The following SHTN1 variants were observed in gnomAD, a reference collection of about 807,000 sequenced individuals.
The protein encoded by SHTN1 is shootin 1.
In SHTN1, 42 loss-of-function variants were observed where a neutral mutation model predicts 83.1. That is an observed-to-expected ratio of 0.51 (90% CI 0.39 to 0.65). The LOEUF (loss-of-function observed/expected upper bound fraction) is 0.65, where lower values mean the gene tolerates loss of function less well. Among genes scored for constraint, SHTN1 ranks in the 30% least tolerant of loss-of-function variants. The pLI is 0.00. For synonymous variants in SHTN1, 224 were observed against 247.7 expected, an observed-to-expected ratio of 0.90 and a Z score of 0.90; for missense variants, 622 against 737.8, an observed-to-expected ratio of 0.84 and a Z score of 1.82.
chr10:116,953,618 GTTTTGTT>G (rs1257962778), intron 5 of SHTN1, among the ~76,000 whole-genome samples: 4 of 82,002 alleles, frequency 4.9e-5, no homozygotes, highest in African/African-American at 1.4e-4. Flanking sequence ...TCAGTTTTGT[GTTTTGTT>G]TTTTTTTTTT....
intron 2 of SHTN1, among the ~76,000 whole-genome samples, chr10:117,036,600 G>A (rs1452050269): frequency 6.6e-6 from 1 of 152,150 alleles, no homozygotes; most frequent in Non-Finnish European, 1.5e-5. Flanking sequence ...TGAACTCATG[G>A]AGATAATAGA....
chr10:117,108,286 A>G (rs1175741816), intron 1 of SHTN1, among the ~76,000 whole-genome samples: 2 of 152,136 alleles, frequency 1.3e-5, no homozygotes, highest in Non-Finnish European at 2.9e-5. Flanking sequence ...TACTCGCAAT[A>G]GCAAAGACTT....
chr10:117,005,312 T>G (rs1170270037), upstream of SHTN1: 28 of 1,368,500 alleles, frequency 2.0e-5, no homozygotes, highest in East Asian at 3.0e-5. Flanking sequence ...GGCCCAGCAG[T>G]CCCGTTCAGG....
chr10:116,890,490 T>G (rs1182987229), intron 16 of SHTN1, among the ~76,000 whole-genome samples: 1 of 152,156 alleles, frequency 6.6e-6, no homozygotes, highest in Non-Finnish European at 1.5e-5. Flanking sequence ...GTCCAATAAT[T>G]TTTTCTTACC....
upstream of SHTN1, among the ~76,000 whole-genome samples, chr10:117,009,097 A>G (rs1852063730): frequency 6.6e-6 from 1 of 152,200 alleles, no homozygotes; most frequent in South Asian, 2.1e-4. Flanking sequence ...CCTGGGCAAC[A>G]AGAGCAAAAT....
chr10:117,063,238 G>T (rs1027669786), intron 1 of SHTN1, among the ~76,000 whole-genome samples: 2 of 152,122 alleles, frequency 1.3e-5, no homozygotes, highest in African/African-American at 4.8e-5. Flanking sequence ...TTACTAACAG[G>T]AAGCATTGGC....
chr10:117,105,236 G>A (rs904829735), intron 1 of SHTN1, among the ~76,000 whole-genome samples: 3 of 152,184 alleles, frequency 2.0e-5, no homozygotes, highest in African/African-American at 7.2e-5. Flanking sequence ...TTTTACTTCA[G>A]AAGCCTCAAC....
In SHTN1 at chr10:116,921,328, A is replaced by T. The variant is rs1564877358; in HGVS notation, c.1195+106T>A. 4 of 745,634 alleles carry T rather than the reference A, an allele frequency of 5.4e-6. No individual in the cohort carries two copies. In the East Asian group the frequency reaches 1.1e-4, roughly 20 times the overall value. The allele number at this position is 745,634 out of a possible 1,614,324, so 46.2% of individuals were successfully genotyped here. A position where few individuals can be genotyped will look rare whatever the true frequency, so the allele number is the denominator to read the frequency against. On this transcript the variant is annotated intron_variant, in intron 12 of 16. Coordinates refer to ENST00000355371, the MANE Select transcript of SHTN1 (RefSeq NM_001127211.3). Reference sequence around the variant, plus strand: ...TTCTTACAGCTGTTCAGTGCTTCATACTACTCTCCCAACAACATGTTTATA... The same window carrying T: ...TTCTTACAGCTGTTCAGTGCTTCATTCTACTCTCCCAACAACATGTTTATA...
chr10:117,073,218 C>T (rs1165299915), intron 1 of SHTN1, among the ~76,000 whole-genome samples: 2 of 152,074 alleles, frequency 1.3e-5, no homozygotes, highest in African/African-American at 4.8e-5. Context: ...TTATGTTAAA[C>T]GACCAAACCT....
chr10:117,014,657 T>C (rs1852155134), intron 2 of SHTN1, among the ~76,000 whole-genome samples: 1 of 152,204 alleles, frequency 6.6e-6, no homozygotes, highest in South Asian at 2.1e-4. Flanking sequence ...TCAGTTCTGC[T>C]ACAACACAAC....
intron 1 of SHTN1, among the ~76,000 whole-genome samples, chr10:117,085,918 A>T (rs1223378839): frequency 1.4e-4 from 17 of 121,066 alleles, no homozygotes; most frequent in South Asian, 5.1e-4. Context: ...GCTTTGTCTG[A>T]TTTTTTTTTT....
chr10:116,926,801 C>T (rs1191353679), intron 11 of SHTN1, among the ~76,000 whole-genome samples: 3 of 151,680 alleles, frequency 2.0e-5, no homozygotes, highest in Non-Finnish European at 2.9e-5. Context: ...ATGACATGAG[C>T]ATGTAAGCTG....
chr10:116,888,492 T>G (rs181491542), intron 16 of SHTN1, among the ~76,000 whole-genome samples: 2 of 152,166 alleles, frequency 1.3e-5, no homozygotes, highest in Non-Finnish European at 2.9e-5. Flanking sequence ...GTTCTGACAG[T>G]TGGGAGGGAA....
chr10:117,083,033 A>G (rs1347820811), intron 1 of SHTN1, among the ~76,000 whole-genome samples: 3 of 150,734 alleles, frequency 2.0e-5, no homozygotes, highest in Admixed American at 2.0e-4. Flanking sequence ...TAGTCCATTT[A>G]CATTTAAAGT....
At chr10:117,060,612 A>C (rs1353622582) in intron 1 of SHTN1, among the ~76,000 whole-genome samples, 1 of 152,220 alleles carries the variant, frequency 6.6e-6, no homozygotes, top group Non-Finnish European at 1.5e-5. Context: ...CCTATATAGA[A>C]GCTGTCTATA....
intron 12 of SHTN1, among the ~76,000 whole-genome samples, chr10:116,918,244 G>C (rs1848440214): frequency 6.6e-6 from 1 of 151,882 alleles, no homozygotes; most frequent in African/African-American, 2.4e-5. Context: ...AGTGCTTCAA[G>C]GTCAGTCTTG....
rs186655640 is a variant in SHTN1 at position 116,923,944 on chromosome 10, T to C, written c.1113-2428A>G. Among the ~76,000 whole-genome samples, 334 of 152,308 alleles carry C rather than the reference T, an allele frequency of 2.2e-3. 1 individual carries two copies. Among genetic ancestry groups the C allele is most frequent in the African/African-American group, 7.5e-3 (313 of 41,564 alleles). ...TAATCCCCTTCCTAATTGCCTTTTC[T>C]TAAAATTCCCAAACTCACTGGATAA... On this transcript the variant is annotated intron_variant, in intron 11 of 16. Coordinates refer to ENST00000355371, the MANE Select transcript of SHTN1 (RefSeq NM_001127211.3).
chr10:116,956,908 AGG>A (rs1850003030), intron 4 of SHTN1, among the ~76,000 whole-genome samples: 5 of 151,978 alleles, frequency 3.3e-5, no homozygotes, highest in Admixed American at 2.6e-4. Context: ...TATATATATG[AGG>A]GTTTTTTTTG....
chr10:117,109,553 CTTTTTTTTTTTTTT>C (rs374713015), intron 1 of SHTN1, among the ~76,000 whole-genome samples: 5 of 42,932 alleles, frequency 1.2e-4, no homozygotes, highest in Non-Finnish European at 1.5e-4. Flanking sequence ...ACATATATTA[CTTTTTTTTTTTTTT>C]TTTTTTTTTT....
Sources: gnomAD v4.1 joint callset for allele counts (sites outside exome capture counted in the v4.1 genomes callset) on GRCh38, gnomAD v4.1.1 for gene constraint, MANE v1.5 for transcripts, NCBI Gene and HGNC (gene_info 2026-07-23, HGNC 2026-07-21) for gene names.